The following ITGA9 variants were observed in gnomAD, a reference collection of about 807,000 sequenced individuals.
ITGA9 encodes the protein integrin alpha-9.
Under a neutral mutation model 127.8 loss-of-function variants are expected in ITGA9, and 56 were observed. The observed-to-expected ratio is 0.44, with a 90% CI of 0.35 to 0.55. ITGA9 has a LOEUF of 0.55. Ranked by LOEUF, ITGA9 falls within the 20% of genes least tolerant of loss-of-function variation. ITGA9 has a pLI of 0.00. For synonymous variants in ITGA9, 508 were observed against 514.5 expected (o/e 0.99, Z 0.17); for missense variants, 1,196 against 1,347.1 (o/e 0.89, Z 1.76).
chr3:37,699,370 T>C (rs1358250117), intron 18 of ITGA9, among the ~76,000 whole-genome samples: 1 of 152,156 alleles, frequency 6.6e-6, no homozygotes, highest in Non-Finnish European at 1.5e-5. Flanking sequence ...CTGACACCTG[T>C]TCCATTTGTA....
At chr3:37,722,474 T>C (rs899331319) in intron 18 of ITGA9, among the ~76,000 whole-genome samples, 2 of 152,208 alleles carry the variant, frequency 1.3e-5, no homozygotes, top group African/African-American at 4.8e-5. Context: ...CCTTCCCCTA[T>C]TTCCACCAGC....
At chr3:37,607,538 G>A (rs778967381) in intron 15 of ITGA9, among the ~76,000 whole-genome samples, 3 of 152,074 alleles carry the variant, frequency 2.0e-5, no homozygotes, top group Non-Finnish European at 4.4e-5. Context: ...TAAGGCACCA[G>A]CATTCAGCAT....
At chr3:37,478,020 GA>G (rs1249920841) in intron 3 of ITGA9, among the ~76,000 whole-genome samples, 5 of 151,944 alleles carry the variant, frequency 3.3e-5, no homozygotes, top group Admixed American at 3.3e-4. Context: ...CACACATGCA[GA>G]AAAAGGTATA....
rs565330680 is a variant in ITGA9, at chr3:37,647,481, A to T, written c.1840-6233A>T. On this transcript the variant is annotated intron_variant, in intron 16 of 27. Coordinates refer to ENST00000264741, the MANE Select transcript of ITGA9 (RefSeq NM_002207.3). ...TTTTTTTTTTTTTGATAGTAAGAGC[A>T]CTTGGAATCTACTTTATTGTCAAAT... is the stretch of plus-strand genomic sequence containing the variant. Among the ~76,000 whole-genome samples, 10 of 149,542 alleles carry T rather than the reference A, an allele frequency of 6.7e-5. No individual in the cohort carries two copies. The East Asian group carries it at 7.8e-4, about 12-fold the overall frequency.
rs191187945 is a variant in ITGA9 at position 37,789,642 on chromosome 3, G to A, written c.2889+4564G>A. 7.9e-3 allele frequency among the ~76,000 whole-genome samples: 1,197 copies of A among 150,856 alleles called. 6 individuals carry two copies. Among genetic ancestry groups the A allele is most frequent in the Admixed American group, 0.012 (176 of 15,176 alleles). On this transcript the variant is annotated intron_variant, in intron 26 of 27. Transcript: ENST00000264741. ...AAATGAGCTGGGTGTGGTGGCGGGC[G>A]CCTGTAGTCCCAGCTACTCGGGAGG...
intron 23 of ITGA9, among the ~76,000 whole-genome samples, chr3:37,775,977 T>C (rs994195970): frequency 6.6e-6 from 1 of 152,192 alleles, no homozygotes; most frequent in Non-Finnish European, 1.5e-5. Context: ...GTTGTACAGA[T>C]ATACCATGGA....
chr3:37,611,855 C>A (rs912552603), intron 15 of ITGA9, among the ~76,000 whole-genome samples: 12 of 151,876 alleles, frequency 7.9e-5, no homozygotes, highest in African/African-American at 2.9e-4. Context: ...TGCATGGAGC[C>A]CAGAGAGCCC....
intron 18 of ITGA9, among the ~76,000 whole-genome samples, chr3:37,698,047 T>C (rs537262889): frequency 1.3e-5 from 2 of 152,376 alleles, no homozygotes; most frequent in Admixed American, 1.3e-4. Context: ...TGAGATGATA[T>C]CTTATTGTGG....
intron 3 of ITGA9, among the ~76,000 whole-genome samples, chr3:37,480,582 G>T (rs1157677151): frequency 1.3e-5 from 2 of 152,158 alleles, no homozygotes; most frequent in Non-Finnish European, 2.9e-5. Flanking sequence ...GTGTACATTT[G>T]TCAAAGCTCA....
intron 18 of ITGA9, among the ~76,000 whole-genome samples, chr3:37,717,811 A>G (rs765133405): frequency 1.4e-4 from 21 of 152,244 alleles, no homozygotes; most frequent in Non-Finnish European, 2.5e-4. Context: ...GGTATGGTAC[A>G]TAGTATGACT....
intron 22 of ITGA9, among the ~76,000 whole-genome samples, chr3:37,744,415 C>T (rs547772930): frequency 6.6e-6 from 1 of 152,342 alleles, no homozygotes; most frequent in South Asian, 2.1e-4. Flanking sequence ...TGTGTCCCTT[C>T]CTCCTGAGAT....
intron 13 of ITGA9, among the ~76,000 whole-genome samples, chr3:37,527,740 A>G (rs755096229): frequency 1.5e-4 from 23 of 151,792 alleles, no homozygotes; most frequent in Non-Finnish European, 3.1e-4. Flanking sequence ...CTTCTCAAAT[A>G]AAACACACTC....
At chr3:37,740,479 CT>C (rs2125532722) in intron 20 of ITGA9, among the ~76,000 whole-genome samples, 1 of 152,314 alleles carries the variant, frequency 6.6e-6, no homozygotes, top group South Asian at 2.1e-4. Context: ...CTTCTCCTCC[CT>C]TCTTCTTTTG....
At chr3:37,540,769 G>A (rs1399557476) in intron 14 of ITGA9, among the ~76,000 whole-genome samples, 1 of 152,212 alleles carries the variant, frequency 6.6e-6, no homozygotes, top group Non-Finnish European at 1.5e-5. Context: ...GAGTTGGTGT[G>A]TGACACTTGC....
intron 22 of ITGA9, among the ~76,000 whole-genome samples, chr3:37,747,179 A>G (rs986984040): frequency 2.0e-5 from 3 of 152,204 alleles, no homozygotes; most frequent in South Asian, 2.1e-4. Context: ...AAAGCATACA[A>G]TTCAATTATT....
chr3:37,779,751 G>A (rs746386685), intron 24 of ITGA9, 151 bp from the exon 25 acceptor site: 21 of 754,524 alleles, frequency 2.8e-5, no homozygotes, highest in Non-Finnish European at 4.0e-5. Flanking sequence ...GCCCTCTGGT[G>A]GCGAGAAAGA....
intron 18 of ITGA9, 135 bp from the exon 19 acceptor site, chr3:37,732,577 C>T (rs1483553050): frequency 1.4e-6 from 1 of 725,550 alleles, no homozygotes; most frequent in African/African-American, 1.7e-5. Context: ...TGGAGACGGC[C>T]TGGTCAGGGC....
At chr3:37,793,241 C>G (rs112713182) in intron 26 of ITGA9, among the ~76,000 whole-genome samples, 1 of 151,880 alleles carries the variant, frequency 6.6e-6, no homozygotes, top group Non-Finnish European at 1.5e-5. Flanking sequence ...GACCCGTGGG[C>G]TCTAAAGAAG....
chr3:37,509,132 T>A (rs1197683995), intron 8 of ITGA9, among the ~76,000 whole-genome samples: 2 of 152,214 alleles, frequency 1.3e-5, no homozygotes, highest in African/African-American at 2.4e-5. Flanking sequence ...GCCTGATTCC[T>A]CTTAGAACCT....
Sources: gnomAD v4.1 joint callset for allele counts (sites outside exome capture counted in the v4.1 genomes callset) on GRCh38, gnomAD v4.1.1 for gene constraint, MANE v1.5 for transcripts, NCBI Gene and HGNC (gene_info 2026-07-23, HGNC 2026-07-21) for gene names.